MAP2K2: variants seen among roughly 807,000 people sequenced by gnomAD.
The protein encoded by MAP2K2 is dual specificity mitogen-activated protein kinase kinase 2.
In MAP2K2, 24 loss-of-function variants were observed where a neutral mutation model predicts 43.7. The ratio of observed to expected loss-of-function variants is 0.55; its 90% CI spans 0.40 to 0.77. MAP2K2 has a LOEUF of 0.77. Among genes scored for constraint, MAP2K2 ranks in the 30% least tolerant of loss-of-function variants. The pLI is 0.00. For missense variants in MAP2K2, 470 were observed against 566.8 expected (o/e 0.83, Z 1.73); for synonymous variants, 244 against 239.7 (o/e 1.02, Z -0.17).
chr19:4,097,556 GAATTAAA>G (rs1431426726), intron 7 of MAP2K2, among the ~76,000 whole-genome samples: 4 of 152,022 alleles, frequency 2.6e-5, no homozygotes, highest in African/African-American at 9.7e-5. Flanking sequence ...AGCCTCTAGT[GAATTAAA>G]AAAAAGGCAA....
chr19:4,112,998 C>T (rs549525332), intron 2 of MAP2K2, among the ~76,000 whole-genome samples: 4 of 152,160 alleles, frequency 2.6e-5, no homozygotes, highest in South Asian at 2.1e-4. Flanking sequence ...CCGGACTGAC[C>T]GCATTTTAAG....
At chr19:4,121,584 G>A (rs1418388855) in intron 1 of MAP2K2, among the ~76,000 whole-genome samples, 5 of 51,352 alleles carry the variant, frequency 9.7e-5, no homozygotes, top group Middle Eastern at 0.016. Context: ...ATGACCCCCC[G>A]AGGACCCCCT....
intron 10 of MAP2K2, among the ~76,000 whole-genome samples, chr19:4,093,864 G>A (rs1394072350): frequency 3.3e-5 from 5 of 152,140 alleles, no homozygotes; most frequent in East Asian, 3.9e-4. Context: ...GGTCGCTGAC[G>A]GTGGCTGTGG....
intron 2 of MAP2K2, among the ~76,000 whole-genome samples, chr19:4,112,149 T>C (rs1018941098): frequency 6.6e-6 from 1 of 152,130 alleles, no homozygotes; most frequent in African/African-American, 2.4e-5. Flanking sequence ...GAAAAAGACA[T>C]GGTTTCCACT....
intron 3 of MAP2K2, among the ~76,000 whole-genome samples, chr19:4,109,045 G>C: frequency 6.6e-6 from 1 of 152,168 alleles, no homozygotes; most frequent in East Asian, 1.9e-4. Flanking sequence ...GGCTACGTGG[G>C]GGCCTTGCTC....
intron 3 of MAP2K2, among the ~76,000 whole-genome samples, chr19:4,107,924 C>T (rs2041105907): frequency 6.6e-6 from 1 of 152,158 alleles, no homozygotes; most frequent in Non-Finnish European, 1.5e-5. Context: ...CGGCAAGAGT[C>T]CTGTCCCGAA....
At position 4,095,417 on chromosome 19, in the gene MAP2K2, G is replaced by A. The variant is rs1205517548; in HGVS notation, c.1017C>T (p.Thr339=). The A allele has an allele frequency of 5.2e-6, 8 of 1,551,250 alleles. No homozygotes were observed. Among genetic ancestry groups the A allele is most frequent in the Non-Finnish European group, 7.0e-6 (8 of 1,146,878 alleles). Residue 339 remains threonine (T), a synonymous_variant, in exon 9 of 11, where the codon ACC becomes ACT. Coordinates refer to ENST00000262948, the MANE Select transcript of MAP2K2 (RefSeq NM_030662.4). ...TATTGACAAACTCCTGGAAGTCGGG[G>A]GTGAACACACCGTTGGGCAGCTTAG... is the stretch of plus-strand genomic sequence containing the variant. The part of the protein sequence containing the change: ...PPPKLPNGVF[T]PDFQEFVNKC...
Position 4,117,436 on chromosome 19 carries a change from G to C in MAP2K2, c.286C>G (p.Leu96Val), listed in dbSNP as rs2145079733. The C allele has an allele frequency of 6.2e-7, 1 of 1,613,500 alleles. No homozygotes were observed. Among genetic ancestry groups the C allele is most frequent in the Non-Finnish European group, 8.5e-7 (1 of 1,180,026 alleles). The part of the protein sequence containing the change: ...VTKVQHRPSG[L>V]IMARKLIHLE... ...GTGCTCACCTTCCTGGCCATGATGA[G>C]GCCCGAGGGTCTGTGCTGGACTTTG... Residue 96 changes from leucine (L) to valine (V), a missense_variant, in exon 2 of 11, where the codon CTC becomes GTC. By Grantham distance (32) the Leu-to-Val change is conservative (BLOSUM62 1). Transcript: ENST00000262948.
Position 4,098,626 on chromosome 19 carries a change from C to T in MAP2K2, c.919+575G>A, listed in dbSNP as rs142252580. On this transcript the variant is annotated intron_variant, in intron 7 of 10. Coordinates refer to ENST00000262948, the MANE Select transcript of MAP2K2 (RefSeq NM_030662.4). ...TCTCTGACTGGCGTCAGGGAGCTCC[C>T]GCTCCCGAGGTGCCCGCCCTAAGTG... Among the ~76,000 whole-genome samples, 1,105 of 152,300 alleles carry T rather than the reference C, an allele frequency of 7.3e-3. 2 individuals are homozygous for T. Among genetic ancestry groups the T allele is most frequent in the Non-Finnish European group, 1.0e-2 (679 of 68,024 alleles).
chr19:4,101,690 G>T lies in MAP2K2; in HGVS notation c.529-410C>A, dbSNP rs1367731691. On this transcript the variant is annotated intron_variant, in intron 4 of 10. Coordinates refer to ENST00000262948, the MANE Select transcript of MAP2K2 (RefSeq NM_030662.4). This position sits in a 1 kb window ranked among gnomAD's most constrained non-coding sequence, Gnocchi z 6.3. Reference sequence around the variant, plus strand: ...GGCCCCCAGATGGGACGGGCTAAGGGTGCCTGGGAAGGACGATGTTTCCCC... The same window carrying T: ...GGCCCCCAGATGGGACGGGCTAAGGTTGCCTGGGAAGGACGATGTTTCCCC... Among the ~76,000 whole-genome samples the T allele has an allele frequency of 6.6e-6, 1 of 152,126 alleles. No homozygotes were observed. The highest frequency in any genetic ancestry group is 1.9e-4 in the East Asian group (1 of 5,180).
intron 9 of MAP2K2, chr19:4,094,790 A>T: frequency 2.0e-6 from 1 of 498,734 alleles, no homozygotes; most frequent in South Asian, 2.4e-5. Context: ...ACCCCAGCTA[A>T]CTGTCTAATA....
chr19:4,115,652 A>G lies in MAP2K2; in HGVS notation c.303+1767T>C, dbSNP rs1244764198. Reference sequence around the variant, plus strand: ...GGAGGGAGGGAGGGCAGCACTCTAGAGGCCAGAAGACAGAGCTGCAGAGCT... The same window carrying G: ...GGAGGGAGGGAGGGCAGCACTCTAGGGGCCAGAAGACAGAGCTGCAGAGCT... On this transcript the variant is annotated intron_variant, in intron 2 of 10. Transcript: ENST00000262948. This position sits in a 1 kb window ranked among gnomAD's most constrained non-coding sequence, Gnocchi z 4.1. Among the ~76,000 whole-genome samples, 1 of 152,206 alleles carries G rather than the reference A, an allele frequency of 6.6e-6. No individual in the cohort carries two copies. Among genetic ancestry groups the G allele is most frequent in the Non-Finnish European group, 1.5e-5 (1 of 68,038 alleles).
At chr19:4,091,917 G>A (rs895024362) in intron 10 of MAP2K2, among the ~76,000 whole-genome samples, 29 of 152,106 alleles carry the variant, frequency 1.9e-4, no homozygotes, top group Admixed American at 1.7e-3. Context: ...CCAAAGTACC[G>A]GGATTACAGG....
At chr19:4,121,578 C>A (rs1219776278) in intron 1 of MAP2K2, among the ~76,000 whole-genome samples, 1 of 91,452 alleles carries the variant, frequency 1.1e-5, no homozygotes, top group Non-Finnish European at 2.1e-5. Context: ...CACAACATGA[C>A]CCCCCGAGGA....
At chr19:4,102,557 G>A (rs928110542) in intron 3 of MAP2K2, 104 bp from the exon 4 acceptor site, 6 of 1,014,096 alleles carry the variant, frequency 5.9e-6, no homozygotes, top group African/African-American at 1.6e-5. Flanking sequence ...CTCCTGACGG[G>A]AAGCAGGGGC....
At chr19:4,116,672 G>C (rs1482805973) in intron 2 of MAP2K2, among the ~76,000 whole-genome samples, 1 of 151,976 alleles carries the variant, frequency 6.6e-6, no homozygotes, top group African/African-American at 2.4e-5. Context: ...GCTGCTGTCT[G>C]TTTATTTAAA....
Position 4,108,814 on chromosome 19 carries a change from C to T in MAP2K2, c.450+1695G>A, listed in dbSNP as rs537519606. ...ACTCCTGAGTAGCGAGGGTGCCTGC[C>T]GGGCGCGAGGAGGAGGGGGAAGACG... is the stretch of plus-strand genomic sequence containing the variant. On this transcript the variant is annotated intron_variant, in intron 3 of 10. Transcript: ENST00000262948. Among the ~76,000 whole-genome samples, 176 of 152,204 alleles carry T rather than the reference C, an allele frequency of 1.2e-3. 2 individuals are homozygous for T. The highest frequency in any genetic ancestry group is 4.3e-4 in the Non-Finnish European group (29 of 68,010).
At chr19:4,094,612 C>T (rs373910202) in intron 9 of MAP2K2, 114 bp from the exon 10 acceptor site, 8 of 994,644 alleles carry the variant, frequency 8.0e-6, no homozygotes, top group East Asian at 5.2e-5. Flanking sequence ...GCCTGGATCT[C>T]TCCGACCAGA....
chr19:4,096,657 G>C (rs920438922), intron 8 of MAP2K2, among the ~76,000 whole-genome samples: 2 of 152,232 alleles, frequency 1.3e-5, no homozygotes, highest in African/African-American at 4.8e-5. Flanking sequence ...CCTTCCAAGA[G>C]GCAAGGGCCA....
Sources: gnomAD v4.1 joint callset for allele counts (sites outside exome capture counted in the v4.1 genomes callset) on GRCh38, gnomAD v4.1.1 for gene constraint, Gnocchi (gnomAD v3.1) non-coding constraint, MANE v1.5 for transcripts, NCBI Gene and HGNC (gene_info 2026-07-23, HGNC 2026-07-21) for gene names.